Variants in STAB2 observed in about 807,000 individuals in gnomAD.
STAB2 encodes stabilin-2.
STAB2 carries 288 observed loss-of-function variants against 338.1 expected under a neutral mutation model. That is an observed-to-expected ratio of 0.85 (90% confidence interval 0.77 to 0.94). The LOEUF (loss-of-function observed/expected upper bound fraction) is 0.94, where lower values mean the gene tolerates loss of function less well. Ranked by LOEUF, STAB2 falls within the 40% of genes least tolerant of loss-of-function variation. The pLI is 0.00. For missense variants in STAB2, 3,141 were observed against 3,210.1 expected (o/e 0.98, Z 0.52); for synonymous variants, 1,202 against 1,193.3 (o/e 1.01, Z -0.15).
At chr12:103,755,038 T>C (rs1161014358) in intron 61 of STAB2, 1 of 436,176 alleles carries the variant, frequency 2.3e-6, no homozygotes, top group African/African-American at 2.0e-5. Context: ...TGACAGCAAA[T>C]TCTTTCTCAA....
chr12:103,656,157 C>G (rs1874162878), intron 15 of STAB2, among the ~76,000 whole-genome samples: 1 of 152,196 alleles, frequency 6.6e-6, no homozygotes. Context: ...TAAAGTGTTT[C>G]CTTTCCCAGA....
Position 103,755,307 on chromosome 12 carries a change from G to C in STAB2, c.6720G>C (p.Lys2240Asn), listed in dbSNP as rs769177263. The C allele has an allele frequency of 4.3e-6, 7 of 1,613,806 alleles. No homozygotes were observed. Among genetic ancestry groups the C allele is most frequent in the Admixed American group, 3.3e-5 (2 of 60,004 alleles). Residue 2240 changes from lysine (K) to asparagine (N), a missense_variant, in exon 62 of 69, where the codon AAG becomes AAC. Physicochemically the swap from Lys to Asn is moderately conservative, Grantham distance 94 (BLOSUM62 0). Coordinates refer to ENST00000388887, the MANE Select transcript of STAB2 (RefSeq NM_017564.10). ...CCCTGTCTGTATCCCTGCAGGCCAA[G>C]TACCACCTGTGCTCAGCAGGCTGGC... ...YNQLSYAQKAKYHLCSAGWLE... is the reference protein window; with the variant it reads ...YNQLSYAQKANYHLCSAGWLE...
intron 20 of STAB2, 119 bp downstream of exon 20, chr12:103,668,848 C>G: frequency 1.2e-6 from 1 of 832,214 alleles, no homozygotes; most frequent in Non-Finnish European, 1.8e-6. Context: ...TGTTGTCTTC[C>G]TGCAGAGGAA....
At chr12:103,603,615 T>G (rs533833266) in intron 3 of STAB2, among the ~76,000 whole-genome samples, 3 of 152,214 alleles carry the variant, frequency 2.0e-5, no homozygotes, top group Non-Finnish European at 4.4e-5. Flanking sequence ...TTGATTACTA[T>G]GGTGTTACAG....
At chr12:103,675,162 T>A (rs1178011314) in intron 23 of STAB2, among the ~76,000 whole-genome samples, 3 of 152,200 alleles carry the variant, frequency 2.0e-5, no homozygotes, top group Non-Finnish European at 4.4e-5. Flanking sequence ...CATGTATGAC[T>A]GAATTTGCAG....
At chr12:103,692,916 G>T (rs764393140) in intron 31 of STAB2, 27 bp downstream of exon 31, 2 of 1,586,122 alleles carry the variant, frequency 1.3e-6, no homozygotes, top group Non-Finnish European at 1.7e-6. Flanking sequence ...TCCTGTGCGT[G>T]CAGCATCTCT....
At chr12:103,669,363 A>G in intron 20 of STAB2, 178 bp from the exon 21 acceptor site, 1 of 603,034 alleles carries the variant, frequency 1.7e-6, no homozygotes, top group South Asian at 1.9e-5. Context: ...GGCTCAGTAG[A>G]GTTGTGGTGA....
chr12:103,666,419 C>T, intron 19 of STAB2, 66 bp downstream of exon 19: 1 of 1,511,774 alleles, frequency 6.6e-7, no homozygotes, highest in Non-Finnish European at 9.2e-7. Context: ...GTTTCTCAAC[C>T]TATCTACCTT....
At chr12:103,604,851 C>G (rs1279746427) in intron 3 of STAB2, among the ~76,000 whole-genome samples, 1 of 151,418 alleles carries the variant, frequency 6.6e-6, no homozygotes, top group Non-Finnish European at 1.5e-5. Context: ...AGCCACTGCA[C>G]TTTATACCTC....
At chr12:103,592,279 A>C (rs1262464663) in intron 2 of STAB2, 2 of 152,208 alleles carry the variant, frequency 1.3e-5, no homozygotes, top group Non-Finnish European at 2.9e-5. Flanking sequence ...AAAATTAGCA[A>C]GCATATGCAG....
intron 9 of STAB2, among the ~76,000 whole-genome samples, chr12:103,640,712 T>C (rs767777065): frequency 1.3e-5 from 2 of 152,224 alleles, no homozygotes; most frequent in Non-Finnish European, 2.9e-5. Flanking sequence ...AGGGGTTTAC[T>C]GTGAATAAAA....
At chr12:103,663,299 C>T (rs963023764) in intron 18 of STAB2, among the ~76,000 whole-genome samples, 4 of 152,200 alleles carry the variant, frequency 2.6e-5, no homozygotes, top group South Asian at 4.1e-4. Flanking sequence ...AATTTATTCT[C>T]TCACAATTCT....
chr12:103,689,814 G>A (rs764737946), intron 28 of STAB2, 32 bp from the exon 29 acceptor site: 2 of 1,604,470 alleles, frequency 1.2e-6, no homozygotes, highest in East Asian at 2.2e-5. Context: ...CCTAACATAA[G>A]CAGGTCACTT....
At chr12:103,696,539 A>T (rs935675354) in intron 33 of STAB2, among the ~76,000 whole-genome samples, 3 of 152,202 alleles carry the variant, frequency 2.0e-5, no homozygotes, top group Admixed American at 6.5e-5. Context: ...TAGTCCTGTA[A>T]GAAACAGGAT....
At chr12:103,709,982 A>G (rs1879706211) in intron 39 of STAB2, among the ~76,000 whole-genome samples, 1 of 152,010 alleles carries the variant, frequency 6.6e-6, no homozygotes, top group South Asian at 2.1e-4. Context: ...CTTGTCCCTC[A>G]CTAACATACC....
intron 39 of STAB2, chr12:103,711,242 C>T: frequency 1.7e-6 from 1 of 585,886 alleles, no homozygotes; most frequent in South Asian, 2.1e-5. Flanking sequence ...CACTGCCTAG[C>T]ACAGGGCCTG....
rs1290411731 is a variant in STAB2, at chr12:103,654,585, G to C, written c.1438G>C (p.Gly480Arg). 1 of 1,614,056 alleles carries C rather than the reference G, an allele frequency of 6.2e-7. No homozygotes were observed. ...DNQIKLKLHG[G>R]KKKVKIIQGD... is the part of the protein sequence containing the mutation. Reference sequence around the variant, plus strand: ...TCAAATAAAGCTTAAACTCCATGGAGGCAAAAAGAAGGTAAAAATTATACA... The same window carrying C: ...TCAAATAAAGCTTAAACTCCATGGACGCAAAAAGAAGGTAAAAATTATACA... The change falls in exon 13 of 69, where the codon GGC becomes CGC. Residue 480 changes from glycine (G) to arginine (R), a missense_variant. Gly to Arg is a moderately radical substitution (Grantham distance 125). Transcript: ENST00000388887.
intron 56 of STAB2, among the ~76,000 whole-genome samples, chr12:103,743,532 G>T (rs12422579): frequency 5.3e-5 from 8 of 152,118 alleles, no homozygotes; most frequent in Non-Finnish European, 7.3e-5. Flanking sequence ...CCTAACAGAC[G>T]CAAGGGGACC....
intron 3 of STAB2, among the ~76,000 whole-genome samples, chr12:103,619,950 C>G (rs1236826154): frequency 2.6e-5 from 4 of 152,178 alleles, no homozygotes; most frequent in African/African-American, 9.7e-5. Flanking sequence ...TTAAATAACT[C>G]CTCCTCAGGG....
Sources: allele counts gnomAD v4.1 joint callset (sites outside exome capture counted in the v4.1 genomes callset), GRCh38; gene constraint gnomAD v4.1.1; transcripts MANE v1.5; gene names NCBI Gene and HGNC (gene_info 2026-07-23, HGNC 2026-07-21).